KCNAB2: variants seen among roughly 807,000 people sequenced by gnomAD.
The protein encoded by KCNAB2 is voltage-gated potassium channel subunit beta-2.
KCNAB2 carries 29 observed loss-of-function variants against 63.6 expected under a neutral mutation model. That is an observed-to-expected ratio of 0.46 (90% CI 0.34 to 0.62). The LOEUF (loss-of-function observed/expected upper bound fraction) is 0.62, where lower values mean the gene tolerates loss of function less well. Ranked by LOEUF, KCNAB2 falls within the 20% of genes least tolerant of loss-of-function variation. The pLI is 0.01. For synonymous variants in KCNAB2, 222 were observed against 224.2 expected, an observed-to-expected ratio of 0.99 and a Z score of 0.09; for missense variants, 359 against 563.9, an observed-to-expected ratio of 0.64 and a Z score of 3.68.
chr1:6,029,297 A>T (rs1046403643), upstream of KCNAB2, among the ~76,000 whole-genome samples: 127 of 152,040 alleles, frequency 8.4e-4, no homozygotes, highest in African/African-American at 3.0e-3. Flanking sequence ...AAAAAAAAAA[A>T]AAAAGATGAG....
chr1:6,087,338 T>G lies in KCNAB2; in HGVS notation c.426-129T>G. On this transcript the variant is annotated intron_variant, in intron 6 of 15. Transcript: ENST00000378083. This position sits in a 1 kb window ranked among gnomAD's most constrained non-coding sequence, Gnocchi z 6.4. ...CATCATATGATGGAGAAGTGCCCAT[T>G]TCATGCCCCAGGCTCCTGGGTGGGA... 1 of 1,003,396 alleles carries G rather than the reference T, an allele frequency of 1.0e-6. No homozygotes were observed. The highest frequency in any genetic ancestry group is 2.4e-5 in the East Asian group (1 of 41,710). The allele number at this position is 1,003,396 out of a possible 1,614,324, so 62.2% of individuals were successfully genotyped here.
chr1:6,073,591 A>T lies in KCNAB2; in HGVS notation c.263-142A>T, dbSNP rs1663409215. On this transcript the variant is annotated intron_variant, in intron 3 of 15. Coordinates refer to ENST00000378083, the MANE Select transcript of KCNAB2 (RefSeq NM_001199862.2). The surrounding 1 kb of genome is among the most constrained non-coding windows in gnomAD (Gnocchi z 5.7). ...CTCTGAAGGCCAGCTGTCCACACAC[A>T]CTAAGGACACCCTGGCCACAGAGCA... is the stretch of plus-strand genomic sequence containing the variant. 10 of 761,652 alleles carry T rather than the reference A, an allele frequency of 1.3e-5. No individual in the cohort carries two copies. The South Asian group carries it at 1.5e-4, about 11-fold the overall frequency. 47.2% of individuals were successfully genotyped at this position (761,652 alleles called of 1,614,324 possible). A position where few individuals can be genotyped will look rare whatever the true frequency, so the allele number is the denominator to read the frequency against.
At chr1:6,041,178 TTC>T (rs1660468272), upstream of KCNAB2, 1 of 157,088 alleles carries the variant, frequency 6.4e-6, no homozygotes, top group Non-Finnish European at 1.4e-5. Context: ...CCCTGGGTGT[TTC>T]TGTCTGCACC....
chr1:6,091,128 TA>T (rs1333703047), intron 9 of KCNAB2, 134 bp from the exon 10 acceptor site: 6 of 698,084 alleles, frequency 8.6e-6, no homozygotes, highest in South Asian at 1.5e-5. Flanking sequence ...TGTGTTGATA[TA>T]TTTTTTTCCT....
At chr1:6,049,764 A>G (rs1442638803) in intron 1 of KCNAB2, among the ~76,000 whole-genome samples, 1 of 152,240 alleles carries the variant, frequency 6.6e-6, no homozygotes, top group Non-Finnish European at 1.5e-5. Context: ...TGCAACAGGC[A>G]TTTGTAGGCT....
intron 1 of KCNAB2, among the ~76,000 whole-genome samples, chr1:6,009,525 G>C (rs188677690): frequency 3.5e-4 from 53 of 152,372 alleles, no homozygotes; most frequent in Non-Finnish European, 7.3e-4. Flanking sequence ...TGTCCAGCCT[G>C]ATTCTGTTCT....
intron 2 of KCNAB2, among the ~76,000 whole-genome samples, chr1:6,070,257 G>T (rs763856641): frequency 2.5e-4 from 38 of 152,184 alleles, no homozygotes; most frequent in Non-Finnish European, 4.1e-4. Flanking sequence ...TTGCAAAGGG[G>T]TTATGACCCC....
intron 1 of KCNAB2, among the ~76,000 whole-genome samples, chr1:6,016,162 G>T (rs1042969683): frequency 6.6e-6 from 1 of 152,162 alleles, no homozygotes; most frequent in Admixed American, 6.5e-5. Flanking sequence ...CCCACCTGCT[G>T]CCTGCTGCCT....
chr1:5,993,361 C>G (rs1570798351), intron 1 of KCNAB2, among the ~76,000 whole-genome samples: 1 of 148,482 alleles, frequency 6.7e-6, no homozygotes, highest in Non-Finnish European at 1.5e-5. Flanking sequence ...CACCACCTTA[C>G]CCTGCTCCCC....
chr1:6,041,934 A>G, upstream of KCNAB2: 2 of 1,460,818 alleles, frequency 1.4e-6, no homozygotes, highest in Non-Finnish European at 1.9e-6. Context: ...GGGTGGGAGG[A>G]CTGCACCCTT....
Position 6,046,060 on chromosome 1 carries a change from T to G in KCNAB2, c.-150T>G, listed in dbSNP as rs1298628440. ...GGACTCATCTCATTCACCAATTGCT[T>G]CTGACGTCCTGCAGTGACACTCCCT... On this transcript the variant is annotated 5_prime_UTR_variant, in exon 1 of 16. Transcript: ENST00000378083. 1.0e-6 allele frequency: 1 copy of G among 985,314 alleles called. No individual in the cohort carries two copies. Among genetic ancestry groups the G allele is most frequent in the Non-Finnish European group, 1.2e-6 (1 of 829,934 alleles). The allele number at this position is 985,314 out of a possible 1,614,324, so 61.0% of individuals were successfully genotyped here.
chr1:6,097,353 T>C lies in KCNAB2; in HGVS notation c.1154T>C (p.Ile385Thr). 1 of 1,551,916 alleles carries C rather than the reference T, an allele frequency of 6.4e-7. No homozygotes were observed. The highest frequency in any genetic ancestry group is 1.4e-5 in the African/African-American group (1 of 73,420). Residue 385 changes from isoleucine (I) to threonine (T), a missense_variant, in exon 15 of 16, where the codon ATA becomes ACA. Physicochemically the swap from Ile to Thr is moderately conservative, Grantham distance 89 (BLOSUM62 -1). This residue lies in a region of KCNAB2 where 271 missense variants were observed against 476.1 expected (regional missense o/e 0.57). Transcript: ENST00000378083. ...ADQLMENIGA[I>T]QVLPKLSSSI... Reference sequence around the variant, plus strand: ...CAGCTCATGGAGAACATTGGGGCAATACAGGTAAGAGTGAGAGGCCCTGCT... The same window carrying C: ...CAGCTCATGGAGAACATTGGGGCAACACAGGTAAGAGTGAGAGGCCCTGCT...
chr1:6,085,844 A>G, intron 6 of KCNAB2: 2 of 987,820 alleles, frequency 2.0e-6, no homozygotes, highest in Non-Finnish European at 2.4e-6. Context: ...AGTGGCCCCA[A>G]GTCTGTAAAT....
chr1:5,999,143 G>A (rs1657097004), intron 1 of KCNAB2, among the ~76,000 whole-genome samples: 1 of 152,256 alleles, frequency 6.6e-6, no homozygotes, highest in Non-Finnish European at 1.5e-5. Flanking sequence ...CCCGTGAACT[G>A]CGGGCTGGGG....
intron 2 of KCNAB2, among the ~76,000 whole-genome samples, chr1:6,059,060 G>C (rs1480196674): frequency 6.6e-6 from 1 of 152,214 alleles, no homozygotes; most frequent in Non-Finnish European, 1.5e-5. Flanking sequence ...TGCAGGAGAG[G>C]TGGGAGGAAA....
chr1:6,084,542 G>A (rs557492777), intron 5 of KCNAB2, among the ~76,000 whole-genome samples: 19 of 152,338 alleles, frequency 1.2e-4, no homozygotes, highest in African/African-American at 4.3e-4. Context: ...TTGTCCCGGC[G>A]CGGTGGCTCA....
chr1:6,009,903 C>A (rs1407706120), intron 1 of KCNAB2, among the ~76,000 whole-genome samples: 1 of 148,560 alleles, frequency 6.7e-6, no homozygotes, highest in Non-Finnish European at 1.5e-5. Flanking sequence ...CAGGGTCTCA[C>A]TCTGCCGCCC....
chr1:6,063,123 G>A (rs1018481847), intron 2 of KCNAB2, among the ~76,000 whole-genome samples: 6 of 151,414 alleles, frequency 4.0e-5, no homozygotes, highest in South Asian at 2.1e-4. Context: ...AGGTGCAAGC[G>A]ATTCTCCTGC....
In KCNAB2 at chr1:6,087,528, G is replaced by T; in HGVS notation, c.470+17G>T. The T allele has an allele frequency of 6.2e-7, 1 of 1,613,926 alleles. No homozygotes were observed. Among genetic ancestry groups the T allele is most frequent in the Non-Finnish European group, 8.5e-7 (1 of 1,179,868 alleles). On this transcript the variant is annotated intron_variant, in intron 7 of 15. Coordinates refer to ENST00000378083, the MANE Select transcript of KCNAB2 (RefSeq NM_001199862.2). This position sits in a 1 kb window ranked among gnomAD's most constrained non-coding sequence, Gnocchi z 6.4. ...GGGCGGAAAGTAGGTGCAACAGCTG[G>T]CGATGCTTCCAGCCCCGGCCCAGCA... is the stretch of plus-strand genomic sequence containing the variant.
Sources: allele counts gnomAD v4.1 joint callset (sites outside exome capture counted in the v4.1 genomes callset), GRCh38; gene constraint gnomAD v4.1.1; regional missense constraint gnomAD v4.1.1; non-coding constraint Gnocchi (gnomAD v3.1); transcripts MANE v1.5; gene names NCBI Gene and HGNC (gene_info 2026-07-23, HGNC 2026-07-21).